Variants in GABBR2 observed in about 807,000 individuals in gnomAD.
GABBR2 encodes G-protein coupled receptor 51.
Under a neutral mutation model 105.6 loss-of-function variants are expected in GABBR2, and 23 were observed. The ratio of observed to expected loss-of-function variants is 0.22; its 90% confidence interval spans 0.16 to 0.31. GABBR2 has a LOEUF of 0.31. Among genes scored for constraint, GABBR2 ranks in the 10% least tolerant of loss-of-function variants. GABBR2 has a pLI of 1.00. For missense variants in GABBR2, 734 were observed against 1,245.5 expected, an observed-to-expected ratio of 0.59 and a Z score of 6.18; for synonymous variants, 478 against 499.7, an observed-to-expected ratio of 0.96 and a Z score of 0.58.
chr9:98,671,869 G>A (rs979939623), intron 1 of GABBR2, among the ~76,000 whole-genome samples: 1 of 152,138 alleles, frequency 6.6e-6, no homozygotes, highest in Non-Finnish European at 1.5e-5. Context: ...CGAGATGATG[G>A]TAGCTTGGAC....
chr9:98,499,889 T>C (rs1827365743), intron 3 of GABBR2, among the ~76,000 whole-genome samples: 1 of 152,080 alleles, frequency 6.6e-6, no homozygotes, highest in Admixed American at 6.6e-5. Flanking sequence ...CCGTCTCTAC[T>C]AAAAGTATAA....
At chr9:98,371,264 A>G (rs1831777532) in intron 12 of GABBR2, among the ~76,000 whole-genome samples, 200 bp downstream of exon 12, 1 of 152,088 alleles carries the variant, frequency 6.6e-6, no homozygotes, top group Non-Finnish European at 1.5e-5. Flanking sequence ...ACATGTCCCC[A>G]GCCAGCCCTG....
chr9:98,705,073 G>A (rs1830877202), intron 1 of GABBR2, among the ~76,000 whole-genome samples: 1 of 152,126 alleles, frequency 6.6e-6, no homozygotes, highest in Admixed American at 6.5e-5. Context: ...AATACTCAAT[G>A]CAATAAATTT....
intron 13 of GABBR2, among the ~76,000 whole-genome samples, chr9:98,324,406 C>A (rs1186507968): frequency 1.3e-5 from 2 of 152,086 alleles, no homozygotes; most frequent in Non-Finnish European, 2.9e-5. Flanking sequence ...GCCCCGGGTT[C>A]TCCTCTGAGA....
At chr9:98,317,775 T>C (rs567633256) in intron 13 of GABBR2, among the ~76,000 whole-genome samples, 1 of 152,310 alleles carries the variant, frequency 6.6e-6, no homozygotes, top group Non-Finnish European at 1.5e-5. Context: ...GGCGCTTGCC[T>C]TCTTGGAGGG....
Position 98,299,124 on chromosome 9 carries a change from CCT to C in GABBR2, c.2542+98_2542+99del. The C allele has an allele frequency of 4.0e-6, 4 of 999,416 alleles. No individual in the cohort carries two copies. The South Asian group carries it at 5.5e-5, about 14-fold the overall frequency. 61.9% of individuals were successfully genotyped at this position (999,416 alleles called of 1,614,324 possible). A position where few individuals can be genotyped will look rare whatever the true frequency, so the allele number is the denominator to read the frequency against. On this transcript the variant is annotated intron_variant, in intron 17 of 18. Coordinates refer to ENST00000259455, the MANE Select transcript of GABBR2 (RefSeq NM_005458.8). ...GTGTGACTTCATACCAGTCCTGTGC[CCT>C]GTCTGAGCCTCAGTTTCTTCATCTA...
intron 7 of GABBR2, among the ~76,000 whole-genome samples, chr9:98,431,688 TTTTTGTTTTG>T (rs1056715666): frequency 3.3e-5 from 5 of 151,780 alleles, no homozygotes; most frequent in African/African-American, 9.7e-5. Context: ...TGTCTGTTTT[TTTTTGTTTTG>T]TTTTGTTTTG....
intron 3 of GABBR2, among the ~76,000 whole-genome samples, chr9:98,530,645 C>T (rs531996014): frequency 2.0e-5 from 3 of 152,226 alleles, no homozygotes; most frequent in East Asian, 1.9e-4. Context: ...AATAACCAGG[C>T]GCGGTGGCGT....
chr9:98,462,056 G>A (rs1206205909), intron 6 of GABBR2, among the ~76,000 whole-genome samples: 1 of 151,404 alleles, frequency 6.6e-6, no homozygotes, highest in Non-Finnish European at 1.5e-5. Context: ...TGGAGGGGAC[G>A]AACATCCAAA....
intron 1 of GABBR2, among the ~76,000 whole-genome samples, chr9:98,661,898 C>G (rs1045666497): frequency 3.3e-5 from 5 of 152,290 alleles, no homozygotes; most frequent in East Asian, 1.9e-4. Context: ...AATACAAAAG[C>G]CTGATCCCTT....
chr9:98,379,998 C>G (rs1338419668), intron 11 of GABBR2, among the ~76,000 whole-genome samples: 2 of 151,274 alleles, frequency 1.3e-5, no homozygotes, highest in Non-Finnish European at 2.9e-5. Flanking sequence ...TATAAGCCAG[C>G]TAATAAAAAA....
intron 1 of GABBR2, among the ~76,000 whole-genome samples, chr9:98,611,164 T>A (rs557560476): frequency 6.6e-6 from 1 of 152,010 alleles, no homozygotes; most frequent in South Asian, 2.1e-4. Context: ...AATGGGCTCC[T>A]CAGCCCCCCG....
intron 7 of GABBR2, among the ~76,000 whole-genome samples, chr9:98,422,601 A>G (rs944625968): frequency 6.6e-6 from 1 of 151,970 alleles, no homozygotes; most frequent in Non-Finnish European, 1.5e-5. Context: ...AAGGATAGAT[A>G]TTAAAAGCAC....
chr9:98,338,252 A>G (rs1831150371), intron 13 of GABBR2, among the ~76,000 whole-genome samples: 2 of 152,232 alleles, frequency 1.3e-5, no homozygotes, highest in Non-Finnish European at 2.9e-5. Context: ...CAGAAATAAT[A>G]AAAGAAAAAA....
intron 3 of GABBR2, among the ~76,000 whole-genome samples, chr9:98,512,763 A>G (rs1827674665): frequency 6.6e-6 from 1 of 152,204 alleles, no homozygotes; most frequent in African/African-American, 2.4e-5. Context: ...ACAGGATACA[A>G]ACAAATGGAA....
intron 9 of GABBR2, among the ~76,000 whole-genome samples, chr9:98,392,290 A>T (rs1832195252): frequency 6.6e-6 from 1 of 152,024 alleles, no homozygotes; most frequent in African/African-American, 2.4e-5. Context: ...TGTGTCTTTT[A>T]TTTGTTTGGC....
chr9:98,407,350 C>T (rs1832509387), intron 7 of GABBR2, among the ~76,000 whole-genome samples: 1 of 152,158 alleles, frequency 6.6e-6, no homozygotes, highest in Non-Finnish European at 1.5e-5. Flanking sequence ...TCAGCCTGAT[C>T]CCAGAACGAG....
At position 98,538,708 on chromosome 9, in the gene GABBR2, G is replaced by C. The variant is rs112275390; in HGVS notation, c.630+3165C>G. ...TCCGACTTCAGGATTTCTTTCACTT[G>C]ACATTCCTTCCAGTGCACCAGTCCG... On this transcript the variant is annotated intron_variant, in intron 3 of 18. Coordinates refer to ENST00000259455, the MANE Select transcript of GABBR2 (RefSeq NM_005458.8). 2.8e-3 allele frequency: 1,076 copies of C among 388,630 alleles called. 11 individuals are homozygous for C. Among genetic ancestry groups the C allele is most frequent in the African/African-American group, 0.022 (1,028 of 45,936 alleles). The allele number at this position is 388,630 out of a possible 1,614,324, so 24.1% of individuals were successfully genotyped here. A position where few individuals can be genotyped will look rare whatever the true frequency, so the allele number is the denominator to read the frequency against.
chr9:98,457,896 A>G (rs556259908), intron 6 of GABBR2, among the ~76,000 whole-genome samples: 27 of 152,320 alleles, frequency 1.8e-4, no homozygotes, highest in Non-Finnish European at 3.1e-4. Context: ...TTCCATCGTA[A>G]AGCTGACACC....
Sources: allele counts gnomAD v4.1 joint callset (sites outside exome capture counted in the v4.1 genomes callset), GRCh38; gene constraint gnomAD v4.1.1; transcripts MANE v1.5; gene names NCBI Gene and HGNC (gene_info 2026-07-23, HGNC 2026-07-21).